Variants in POLDIP2 observed in about 807,000 individuals in gnomAD.
POLDIP2 encodes the protein polymerase delta-interacting protein 2.
In POLDIP2, 32 loss-of-function variants were observed where a neutral mutation model predicts 52.9. The observed-to-expected ratio is 0.61, with a 90% CI of 0.46 to 0.81. The LOEUF is 0.81. Ranked by LOEUF, POLDIP2 falls within the 40% of genes least tolerant of loss-of-function variation. POLDIP2 has a pLI of 0.00. For synonymous variants in POLDIP2, 183 were observed against 183.0 expected (o/e 1.00, Z 0.00); for missense variants, 371 against 477.3 (o/e 0.78, Z 2.07).
At chr17:28,355,909 A>G (rs782382278) in intron 1 of POLDIP2, 33 bp from the exon 2 acceptor site, 27 of 1,531,160 alleles carry the variant, frequency 1.8e-5, no homozygotes, top group Non-Finnish European at 2.3e-5. Context: ...AGCAACAGAA[A>G]AGCTGAGAAG....
At chr17:28,351,952 A>T (rs1351705490) in intron 6 of POLDIP2, among the ~76,000 whole-genome samples, 152 bp from the exon 7 acceptor site, 1 of 152,148 alleles carries the variant, frequency 6.6e-6, no homozygotes, top group African/African-American at 2.4e-5. Context: ...ATGAAGCAAA[A>T]GTTCAGGCTG....
intron 10 of POLDIP2, among the ~76,000 whole-genome samples, 182 bp downstream of exon 10, chr17:28,348,901 A>C (rs560663807): frequency 6.6e-6 from 1 of 152,340 alleles, no homozygotes; most frequent in South Asian, 2.1e-4. Flanking sequence ...ATCACAGGGT[A>C]CTGGGAAACA....
intron 2 of POLDIP2, 103 bp from the exon 3 acceptor site, chr17:28,354,688 G>A: frequency 2.8e-6 from 2 of 727,154 alleles, no homozygotes; most frequent in Non-Finnish European, 5.0e-6. Context: ...CCAGCACAAG[G>A]TCTTGCTACC....
chr17:28,354,601 G>A lies in POLDIP2; in HGVS notation c.244-16C>T, dbSNP rs1555580603. 3 of 1,305,194 alleles carry A rather than the reference G, an allele frequency of 2.3e-6. No individual in the cohort carries two copies. The highest frequency in any genetic ancestry group is 3.9e-5 in the Admixed American group (2 of 50,726). 80.9% of individuals were successfully genotyped at this position (1,305,194 alleles called of 1,614,324 possible). The stretch of plus-strand genomic sequence containing the variant: ...GAAGGAAAAGCTGGAAGGAAAGAGG[G>A]GCCTCAGTGAGTCTGCAGTCCAGCA... On this transcript the variant is annotated splice_polypyrimidine_tract_variant and intron_variant, in intron 2 of 10. Transcript: ENST00000540200.
intron 1 of POLDIP2, among the ~76,000 whole-genome samples, chr17:28,356,661 G>C (rs1555580982): frequency 1.3e-5 from 2 of 152,146 alleles, no homozygotes; most frequent in Non-Finnish European, 2.9e-5. Flanking sequence ...CTCTGAACAG[G>C]GCTGCTCTTT....
intron 6 of POLDIP2, among the ~76,000 whole-genome samples, 162 bp from the exon 7 acceptor site, chr17:28,351,962 GGAA>G (rs1324485882): frequency 2.0e-5 from 3 of 152,190 alleles, no homozygotes; most frequent in South Asian, 4.1e-4. Flanking sequence ...AGTTCAGGCT[GGAA>G]GAAGGCACAG....
rs539318022 is a variant in POLDIP2 at position 28,349,546 on chromosome 17, G to A, written c.913-384C>T. On this transcript the variant is annotated intron_variant, in intron 9 of 10. Coordinates refer to ENST00000540200, the MANE Select transcript of POLDIP2 (RefSeq NM_015584.5). The stretch of plus-strand genomic sequence containing the variant: ...GTCCTGCTACTCAGAAAGCTGAGGC[G>A]GAGGATTGCTTGAGCCCAGAAAAGT... Among the ~76,000 whole-genome samples, 25 of 152,054 alleles carry A rather than the reference G, an allele frequency of 1.6e-4. 1 individual carries two copies. The East Asian group carries it at 1.7e-3, about 11-fold the overall frequency.
In POLDIP2 at chr17:28,349,577, A is replaced by G. The variant is rs868988575; in HGVS notation, c.913-415T>C. Among the ~76,000 whole-genome samples, 4 of 152,090 alleles carry G rather than the reference A, an allele frequency of 2.6e-5. No homozygotes were observed. In the Middle Eastern group the frequency reaches 0.014, roughly 517 times the overall value. On this transcript the variant is annotated intron_variant, in intron 9 of 10. Coordinates refer to ENST00000540200, the MANE Select transcript of POLDIP2 (RefSeq NM_015584.5). The stretch of plus-strand genomic sequence containing the variant: ...TTGCTTGAGCCCAGAAAAGTAAACT[A>G]TGGTCGCACCACTGCACTCCAGCCT...
intron 1 of POLDIP2, among the ~76,000 whole-genome samples, chr17:28,356,958 G>A (rs1366300846): frequency 1.3e-5 from 2 of 152,352 alleles, no homozygotes; most frequent in East Asian, 1.9e-4. Flanking sequence ...AAGGCTGAGG[G>A]TTCAAGCCAA....
Position 28,357,527 on chromosome 17 carries a change from T to C in POLDIP2, c.-79A>G, listed in dbSNP as rs1487156707. On this transcript the variant is annotated 5_prime_UTR_variant, in exon 1 of 11. Transcript: ENST00000540200. ...GCGGCGTTCCGCCCCAGTCCCACAC[T>C]GCCCCGCGCGGCGTCCCGGCCCTCT... 5 of 1,475,722 alleles carry C rather than the reference T, an allele frequency of 3.4e-6. No individual in the cohort carries two copies. The highest frequency in any genetic ancestry group is 4.5e-6 in the Non-Finnish European group (5 of 1,115,346). The allele number at this position is 1,475,722 out of a possible 1,614,324, so 91.4% of individuals were successfully genotyped here.
chr17:28,349,121 G>A lies in POLDIP2; in HGVS notation c.954C>T (p.Ser318=), dbSNP rs1555579449. The A allele has an allele frequency of 6.2e-6, 10 of 1,613,478 alleles. No homozygotes were observed. The highest frequency in any genetic ancestry group is 1.7e-5 in the Admixed American group (1 of 59,964). ...TGGAAGCCTGCAGCGAGACGTGGCT[G>A]CTATACTGGAACGCAGGCTGCTCCT... ...LSKEQPAFQY[S]SHVSLQASSG... is the part of the protein sequence containing the mutation. Residue 318 remains serine, a synonymous_variant, in exon 10 of 11, where the codon AGC becomes AGT. Coordinates refer to ENST00000540200, the MANE Select transcript of POLDIP2 (RefSeq NM_015584.5).
At chr17:28,351,080 C>T (rs2142395114) in intron 7 of POLDIP2, among the ~76,000 whole-genome samples, 1 of 152,296 alleles carries the variant, frequency 6.6e-6, no homozygotes, top group African/African-American at 2.4e-5. Context: ...CACTGCCCTC[C>T]TCACCAGCCC....
At chr17:28,353,056 CAGGAG>C (rs782787666) in intron 5 of POLDIP2, 37 bp from the exon 6 acceptor site, 1 of 833,018 alleles carries the variant, frequency 1.2e-6, no homozygotes, top group East Asian at 2.4e-5. Flanking sequence ...GTGAAACTCA[CAGGAG>C]AGGAGAGAGA....
At chr17:28,352,233 A>ATTTTTTTTTTTT (rs1555580125) in intron 6 of POLDIP2, among the ~76,000 whole-genome samples, 8 of 44,286 alleles carry the variant, frequency 1.8e-4, no homozygotes, top group East Asian at 2.2e-3. Context: ...CGTTGGAATT[A>ATTTTTTTTTTTT]TTTCTTTTTT....
chr17:28,351,605 A>G, intron 7 of POLDIP2, 59 bp downstream of exon 7: 1 of 1,536,036 alleles, frequency 6.5e-7, no homozygotes, highest in African/African-American at 1.4e-5. Context: ...AGTCACCTTA[A>G]GGACACCATA....
chr17:28,347,892 T>C lies in POLDIP2; in HGVS notation c.*225A>G, dbSNP rs1332310258. The C allele has an allele frequency of 3.8e-6, 2 of 525,894 alleles. No individual in the cohort carries two copies. The highest frequency in any genetic ancestry group is 6.8e-6 in the Non-Finnish European group (2 of 294,958). 32.6% of individuals were successfully genotyped at this position (525,894 alleles called of 1,614,324 possible). A position where few individuals can be genotyped will look rare whatever the true frequency, so the allele number is the denominator to read the frequency against. On this transcript the variant is annotated 3_prime_UTR_variant, in exon 11 of 11. Coordinates refer to ENST00000540200, the MANE Select transcript of POLDIP2 (RefSeq NM_015584.5). ...ACAGTTCCTTGGTGGAGAGGTTTACTGGAACATGGTGTAGGCAGGGCTTAT... is the reference window on the plus strand; with the variant it reads ...ACAGTTCCTTGGTGGAGAGGTTTACCGGAACATGGTGTAGGCAGGGCTTAT...
intron 9 of POLDIP2, among the ~76,000 whole-genome samples, chr17:28,349,695 C>T (rs1555579616): frequency 1.3e-5 from 2 of 152,062 alleles, no homozygotes; most frequent in South Asian, 2.1e-4. Flanking sequence ...GCGGGGACCA[C>T]GGCAGGTACT....
intron 9 of POLDIP2, among the ~76,000 whole-genome samples, chr17:28,349,532 C>T (rs1907718030): frequency 6.6e-6 from 1 of 150,872 alleles, no homozygotes; most frequent in Non-Finnish European, 1.5e-5. Context: ...TCCTGCTACT[C>T]AGAAAGCTGA....
chr17:28,357,130 TCC>T (rs1160851193), intron 1 of POLDIP2, among the ~76,000 whole-genome samples, 156 bp downstream of exon 1: 4 of 152,098 alleles, frequency 2.6e-5, no homozygotes, highest in African/African-American at 9.7e-5. Flanking sequence ...CTGGCACATG[TCC>T]CAGACAGCGC....
Sources: allele counts gnomAD v4.1 joint callset (sites outside exome capture counted in the v4.1 genomes callset), GRCh38; gene constraint gnomAD v4.1.1; transcripts MANE v1.5; gene names NCBI Gene and HGNC (gene_info 2026-07-23, HGNC 2026-07-21).